Variants in RAMP1 observed in about 807,000 individuals in gnomAD.
The protein encoded by RAMP1 is receptor activity modifying protein 1.
In RAMP1, 7 loss-of-function variants were observed where a neutral mutation model predicts 8.2. The ratio of observed to expected loss-of-function variants is 0.85; its 90% CI spans 0.49 to 1.60. The LOEUF (loss-of-function observed/expected upper bound fraction) is 1.60, where lower values mean the gene tolerates loss of function less well. RAMP1 is among the 40% of genes most tolerant of loss of function. The pLI, the probability that RAMP1 is intolerant of heterozygous loss-of-function variation, is 0.00. For synonymous variants in RAMP1, 92 were observed against 84.7 expected, an observed-to-expected ratio of 1.09 and a Z score of -0.47; for missense variants, 192 against 202.4, an observed-to-expected ratio of 0.95 and a Z score of 0.31.
rs71402734 is a variant in RAMP1, at chr2:237,906,717, C to CTTT, written c.192-4789_192-4787dup. 4.6e-3 allele frequency among the ~76,000 whole-genome samples: 398 copies of CTTT among 86,144 alleles called. 7 individuals carry two copies. The highest frequency in any genetic ancestry group is 4.8e-3 in the Non-Finnish European group (231 of 48,460). The allele number at this position is 86,144 out of a possible 152,430, so 56.5% of individuals were successfully genotyped here. Reference sequence around the variant, plus strand: ...TCTCAAAAGGTTCTTATATCAACCTCTTTTTTTTTTTTTTTTTTTTTTTTA... The same window carrying CTTT: ...TCTCAAAAGGTTCTTATATCAACCTCTTTTTTTTTTTTTTTTTTTTTTTTTTTA... On this transcript the variant is annotated intron_variant, in intron 2 of 2. Transcript: ENST00000254661.
At chr2:237,893,966 C>CT (rs1559948744) in intron 2 of RAMP1, among the ~76,000 whole-genome samples, 6 of 102,580 alleles carry the variant, frequency 5.8e-5, no homozygotes, top group South Asian at 3.2e-4. Flanking sequence ...AATAAAAATA[C>CT]TTTCTTTTTT....
At chr2:237,894,764 G>A (rs892704725) in intron 2 of RAMP1, among the ~76,000 whole-genome samples, 19 of 152,164 alleles carry the variant, frequency 1.2e-4, no homozygotes, top group Admixed American at 4.6e-4. Context: ...GCCCCTGGAC[G>A]GCTGGAACCT....
intron 1 of RAMP1, among the ~76,000 whole-genome samples, chr2:237,876,576 AAG>A (rs907677773): frequency 2.0e-5 from 3 of 152,150 alleles, no homozygotes; most frequent in Non-Finnish European, 2.9e-5. Flanking sequence ...GTGGCCAAGA[AAG>A]AGAGGCTCAG....
At chr2:237,908,763 A>G (rs960187869) in intron 2 of RAMP1, among the ~76,000 whole-genome samples, 5 of 152,104 alleles carry the variant, frequency 3.3e-5, no homozygotes, top group African/African-American at 1.2e-4. Flanking sequence ...ATGGTGCAGG[A>G]TCGTAGGCCA....
Position 237,893,970 on chromosome 2 carries a change from C to CTTTTTTT in RAMP1, c.191+16621_191+16627dup, listed in dbSNP as rs71039788. Among the ~76,000 whole-genome samples, 115 of 104,152 alleles carry CTTTTTTT rather than the reference C, an allele frequency of 1.1e-3. 9 individuals carry two copies. The highest frequency in any genetic ancestry group is 1.5e-3 in the Non-Finnish European group (84 of 55,926). 68.3% of individuals were successfully genotyped at this position (104,152 alleles called of 152,430 possible). A position where few individuals can be genotyped will look rare whatever the true frequency, so the allele number is the denominator to read the frequency against. ...AAATAAGTAAAAATAAAAATACTTT[C>CTTTTTTT]TTTTTTTTTTTTTTTTTTTGAGACA... is the stretch of plus-strand genomic sequence containing the variant. On this transcript the variant is annotated intron_variant, in intron 2 of 2. Coordinates refer to ENST00000254661, the MANE Select transcript of RAMP1 (RefSeq NM_005855.4).
chr2:237,879,265 G>A lies in RAMP1; in HGVS notation c.191+1903G>A, dbSNP rs561921606. On this transcript the variant is annotated intron_variant, in intron 2 of 2. Transcript: ENST00000254661. ...AATTTGTGTAGATTGATTGTGAACG[G>A]GAGGCCTGGCAGAAGACAGCAGGGT... 3.8e-4 allele frequency among the ~76,000 whole-genome samples: 57 copies of A among 151,950 alleles called. 1 individual carries two copies. The South Asian group carries it at 8.5e-3, about 23-fold the overall frequency.
intron 1 of RAMP1, among the ~76,000 whole-genome samples, chr2:237,861,710 G>A (rs1576529033): frequency 6.6e-6 from 1 of 152,084 alleles, no homozygotes; most frequent in South Asian, 2.1e-4. Context: ...AATTAGGCAG[G>A]CATGGTGGCA....
chr2:237,911,892 C>T lies in RAMP1; in HGVS notation c.*109C>T, dbSNP rs1029768393. 3.7e-5 allele frequency: 53 copies of T among 1,422,032 alleles called. No homozygotes were observed. The African/African-American group carries it at 5.5e-4, about 15-fold the overall frequency. 88.1% of individuals were successfully genotyped at this position (1,422,032 alleles called of 1,614,324 possible). On this transcript the variant is annotated 3_prime_UTR_variant, in exon 3 of 3. Transcript: ENST00000254661. ...GGGACAGAGCAGGCCCACAATGCCCCCCTTCTTCCAGCCAAGAAGAGCTCA... is the reference window on the plus strand; with the variant it reads ...GGGACAGAGCAGGCCCACAATGCCCTCCTTCTTCCAGCCAAGAAGAGCTCA...
chr2:237,868,599 A>G (rs963266616), intron 1 of RAMP1, among the ~76,000 whole-genome samples: 3 of 152,080 alleles, frequency 2.0e-5, no homozygotes, highest in East Asian at 3.8e-4. Flanking sequence ...ACAAAAAAAA[A>G]AAAACAGTTC....
chr2:237,903,405 G>C (rs1225009965), intron 2 of RAMP1, among the ~76,000 whole-genome samples: 1 of 152,202 alleles, frequency 6.6e-6, no homozygotes, highest in Non-Finnish European at 1.5e-5. Context: ...GTGAGTTTGA[G>C]ATTATTGATA....
At chr2:237,886,540 G>A (rs1343322468) in intron 2 of RAMP1, among the ~76,000 whole-genome samples, 3 of 152,258 alleles carry the variant, frequency 2.0e-5, no homozygotes, top group South Asian at 4.1e-4. Context: ...AGGAGCCCTC[G>A]TGTTGGGGGA....
chr2:237,891,153 TC>T (rs1380087793), intron 2 of RAMP1, among the ~76,000 whole-genome samples: 3 of 148,568 alleles, frequency 2.0e-5, no homozygotes, highest in African/African-American at 7.7e-5. Context: ...CATTGTATTC[TC>T]TTTTTTTTTT....
At chr2:237,864,318 G>C (rs576995475) in intron 1 of RAMP1, among the ~76,000 whole-genome samples, 123 of 137,746 alleles carry the variant, frequency 8.9e-4, no homozygotes, top group Non-Finnish European at 1.4e-3. Context: ...AACCATGCGC[G>C]TGTTTGCTTC....
At chr2:237,885,786 T>A (rs527418129) in intron 2 of RAMP1, among the ~76,000 whole-genome samples, 2 of 152,292 alleles carry the variant, frequency 1.3e-5, no homozygotes, top group African/African-American at 4.8e-5. Flanking sequence ...TGGCTAGATG[T>A]CTGTTCCCCC....
intron 1 of RAMP1, chr2:237,874,829 G>A (rs1056629158): frequency 1.9e-6 from 1 of 530,004 alleles, no homozygotes; most frequent in Non-Finnish European, 2.4e-6. Flanking sequence ...AGAAAAGAAA[G>A]AGACCCTCCA....
At chr2:237,860,970 G>A (rs1258477103) in intron 1 of RAMP1, among the ~76,000 whole-genome samples, 3 of 152,204 alleles carry the variant, frequency 2.0e-5, no homozygotes, top group Non-Finnish European at 2.9e-5. Flanking sequence ...CTGAAGTTAC[G>A]TGGAAAGCAG....
chr2:237,886,561 TG>T (rs2062435332), intron 2 of RAMP1, among the ~76,000 whole-genome samples: 3 of 152,068 alleles, frequency 2.0e-5, no homozygotes, highest in African/African-American at 7.2e-5. Flanking sequence ...GCTTGGAGGC[TG>T]GGGCTGGAGC....
chr2:237,888,531 C>T (rs1369444905), intron 2 of RAMP1, among the ~76,000 whole-genome samples: 1 of 152,122 alleles, frequency 6.6e-6, no homozygotes. Flanking sequence ...GTTTGCATGT[C>T]TTTGGCAATT....
At chr2:237,896,950 C>T (rs994346528) in intron 2 of RAMP1, among the ~76,000 whole-genome samples, 2 of 152,188 alleles carry the variant, frequency 1.3e-5, no homozygotes, top group African/African-American at 4.8e-5. Flanking sequence ...CACCCAGCCT[C>T]TTAGACTTTT....
Sources: gnomAD v4.1 joint callset for allele counts (sites outside exome capture counted in the v4.1 genomes callset) on GRCh38, gnomAD v4.1.1 for gene constraint, MANE v1.5 for transcripts, NCBI Gene and HGNC (gene_info 2026-07-23, HGNC 2026-07-21) for gene names.